ASCC3: variants seen among roughly 807,000 people sequenced by gnomAD.
ASCC3 encodes ASC-1 complex subunit P200.
ASCC3 carries 158 observed loss-of-function variants against 256.3 expected under a neutral mutation model. That is an observed-to-expected ratio of 0.62 (90% CI 0.54 to 0.70). The LOEUF is 0.70. Ranked by LOEUF, ASCC3 falls within the 30% of genes least tolerant of loss-of-function variation. The pLI is 0.00. For synonymous variants in ASCC3, 948 were observed against 883.4 expected (o/e 1.07, Z -1.30); for missense variants, 2,259 against 2,626.0 (o/e 0.86, Z 3.05).
chr6:100,791,325 T>A (rs1337360296), intron 8 of ASCC3, among the ~76,000 whole-genome samples: 2 of 151,936 alleles, frequency 1.3e-5, no homozygotes, highest in Non-Finnish European at 2.9e-5. Flanking sequence ...ACACATAAAA[T>A]CATGGCCTTC....
At chr6:100,803,234 C>T (rs991945655) in intron 5 of ASCC3, among the ~76,000 whole-genome samples, 3 of 152,010 alleles carry the variant, frequency 2.0e-5, no homozygotes, top group Non-Finnish European at 4.4e-5. Flanking sequence ...TTTATGTCCC[C>T]ATACAAATTT....
chr6:100,585,457 T>C (rs1273747343), intron 36 of ASCC3, among the ~76,000 whole-genome samples: 2 of 152,200 alleles, frequency 1.3e-5, no homozygotes, highest in African/African-American at 4.8e-5. Flanking sequence ...TTCTCTGTAT[T>C]GGTTATTCTA....
chr6:100,592,775 A>G (rs578055819), intron 34 of ASCC3, among the ~76,000 whole-genome samples: 31 of 152,218 alleles, frequency 2.0e-4, no homozygotes, highest in African/African-American at 7.0e-4. Flanking sequence ...TTGAAAAAGC[A>G]TGCAACAGCT....
intron 1 of ASCC3, among the ~76,000 whole-genome samples, chr6:100,876,175 G>A (rs990522782): frequency 6.6e-6 from 1 of 152,150 alleles, no homozygotes; most frequent in South Asian, 2.1e-4. Context: ...ATGAGTGGAA[G>A]TGCATATGGT....
At chr6:100,695,881 G>C (rs1285673973) in intron 13 of ASCC3, among the ~76,000 whole-genome samples, 2 of 152,196 alleles carry the variant, frequency 1.3e-5, no homozygotes, top group Admixed American at 6.5e-5. Flanking sequence ...TTAGGGAGAA[G>C]CAACACGGTC....
At chr6:100,613,164 G>C (rs1773493228) in intron 30 of ASCC3, among the ~76,000 whole-genome samples, 2 of 151,344 alleles carry the variant, frequency 1.3e-5, no homozygotes, top group East Asian at 3.9e-4. Context: ...AGATTGCGTA[G>C]TGGGCAAGTC....
chr6:100,606,974 G>A lies in ASCC3; in HGVS notation c.4900C>T (p.Leu1634=). ...HERDRKTVEE[L]FVNCKVQVLI... ...ACCTGAACTTTACAGTTTACAAATA[G>A]TTCCTCTACTGTTTTTCGGTCCCTC... Residue 1634 remains leucine, a synonymous_variant, in exon 31 of 42, where the codon CTA becomes TTA. Transcript: ENST00000369162. 6.2e-7 allele frequency: 1 copy of A among 1,613,576 alleles called. No individual in the cohort carries two copies. The highest frequency in any genetic ancestry group is 8.5e-7 in the Non-Finnish European group (1 of 1,179,772).
At chr6:100,598,174 A>C (rs1213472709) in intron 34 of ASCC3, among the ~76,000 whole-genome samples, 1 of 151,830 alleles carries the variant, frequency 6.6e-6, no homozygotes, top group Non-Finnish European at 1.5e-5. Context: ...GGTGTGGGTT[A>C]ATATCTACAC....
chr6:100,516,091 G>A (rs1554186349), intron 39 of ASCC3, 89 bp downstream of exon 39: 1 of 1,530,184 alleles, frequency 6.5e-7, no homozygotes, highest in Non-Finnish European at 9.0e-7. Context: ...GGTGAGCCTG[G>A]TTCCAAAATC....
At chr6:100,870,144 T>C (rs1298235656) in intron 1 of ASCC3, among the ~76,000 whole-genome samples, 1 of 152,160 alleles carries the variant, frequency 6.6e-6, no homozygotes, top group East Asian at 1.9e-4. Context: ...AGAGTACAAT[T>C]ACTAAGTCTG....
chr6:100,755,453 A>G (rs1325689037), intron 10 of ASCC3, among the ~76,000 whole-genome samples: 1 of 151,518 alleles, frequency 6.6e-6, no homozygotes, highest in Admixed American at 6.6e-5. Context: ...TGTAACCCCA[A>G]CCTCTAGGGC....
At chr6:100,828,489 A>C (rs1268480700) in intron 4 of ASCC3, among the ~76,000 whole-genome samples, 2 of 152,158 alleles carry the variant, frequency 1.3e-5, no homozygotes, top group Admixed American at 1.3e-4. Flanking sequence ...TCGAGAATGA[A>C]GCCGCGGACC....
At chr6:100,853,982 A>C (rs1410356785) in intron 3 of ASCC3, among the ~76,000 whole-genome samples, 1 of 152,170 alleles carries the variant, frequency 6.6e-6, no homozygotes, top group African/African-American at 2.4e-5. Context: ...CCATGTCCCC[A>C]TAATTTTTCC....
At chr6:100,659,961 C>G (rs1298701335) in intron 16 of ASCC3, among the ~76,000 whole-genome samples, 1 of 151,296 alleles carries the variant, frequency 6.6e-6, no homozygotes, top group Non-Finnish European at 1.5e-5. Context: ...ACACCTTGTC[C>G]TTGGATTTAA....
At chr6:100,766,735 T>C in intron 9 of ASCC3, 30 bp from the exon 10 acceptor site, 1 of 1,613,812 alleles carries the variant, frequency 6.2e-7, no homozygotes, top group South Asian at 1.1e-5. Context: ...GCTTGATTAA[T>C]GAGCAAAAAC....
intron 36 of ASCC3, among the ~76,000 whole-genome samples, chr6:100,558,509 G>A (rs1185163966): frequency 6.6e-6 from 1 of 152,084 alleles, no homozygotes; most frequent in Non-Finnish European, 1.5e-5. Flanking sequence ...CACATGGTTT[G>A]CAAGCCATAT....
At position 100,827,453 on chromosome 6, in the gene ASCC3, C is replaced by T. The variant is rs555422229; in HGVS notation, c.801+20695G>A. On this transcript the variant is annotated intron_variant, in intron 4 of 41. Coordinates refer to ENST00000369162, the MANE Select transcript of ASCC3 (RefSeq NM_006828.4). The stretch of plus-strand genomic sequence containing the variant: ...AGAATATGTAGCCTTTTTAGATTGG[C>T]TTCTTATACCCAACAATTTTCATTT... Among the ~76,000 whole-genome samples, 21 of 152,250 alleles carry T rather than the reference C, an allele frequency of 1.4e-4. No individual in the cohort carries two copies. In the South Asian group the frequency reaches 4.1e-3, roughly 30 times the overall value.
intron 30 of ASCC3, among the ~76,000 whole-genome samples, chr6:100,611,832 G>C (rs766478938): frequency 6.6e-6 from 1 of 150,948 alleles, no homozygotes; most frequent in Non-Finnish European, 1.5e-5. Flanking sequence ...GGACATTAAG[G>C]CTTAATTCTT....
At chr6:100,601,714 C>T (rs1772623812) in intron 34 of ASCC3, 96 bp downstream of exon 34, 2 of 1,448,106 alleles carry the variant, frequency 1.4e-6, no homozygotes, top group Admixed American at 3.6e-5. Context: ...CAAAGTTCTG[C>T]CTTTTTTGTA....
Sources: gnomAD v4.1 joint callset for allele counts (sites outside exome capture counted in the v4.1 genomes callset) on GRCh38, gnomAD v4.1.1 for gene constraint, MANE v1.5 for transcripts, NCBI Gene and HGNC (gene_info 2026-07-23, HGNC 2026-07-21) for gene names.